Variants in NELL2 observed in about 807,000 individuals in gnomAD.
NELL2 encodes the protein protein kinase C-binding protein NELL2.
NELL2 carries 41 observed loss-of-function variants against 109.6 expected under a neutral mutation model. That is an observed-to-expected ratio of 0.37 (90% confidence interval 0.29 to 0.49). NELL2 has a LOEUF of 0.49. Among genes scored for constraint, NELL2 ranks in the 20% least tolerant of loss-of-function variants. NELL2 has a pLI of 0.98. For synonymous variants in NELL2, 355 were observed against 344.7 expected (o/e 1.03, Z -0.33); for missense variants, 900 against 1,008.3 (o/e 0.89, Z 1.45).
intron 15 of NELL2, among the ~76,000 whole-genome samples, chr12:44,584,430 C>T (rs1025341895): frequency 1.3e-5 from 2 of 152,228 alleles, no homozygotes; most frequent in Non-Finnish European, 2.9e-5. Flanking sequence ...TGTTACGACA[C>T]TCTTTGTGCC....
At chr12:44,855,017 C>A (rs1247272353) in intron 2 of NELL2, among the ~76,000 whole-genome samples, 4 of 152,222 alleles carry the variant, frequency 2.6e-5, no homozygotes, top group Non-Finnish European at 4.4e-5. Flanking sequence ...TAATATATTT[C>A]TTTAACCCAC....
chr12:44,875,619 G>C (rs1301212705), intron 1 of NELL2, 196 bp downstream of exon 1: 5 of 1,610,474 alleles, frequency 3.1e-6, no homozygotes, highest in East Asian at 4.5e-5. Context: ...CCTGGACTAG[G>C]GGCGTGATCC....
intron 15 of NELL2, among the ~76,000 whole-genome samples, chr12:44,541,289 A>G (rs1405466337): frequency 6.6e-6 from 1 of 151,202 alleles, no homozygotes; most frequent in African/African-American, 2.4e-5. Context: ...AAATAGAGAT[A>G]ATTGACAGAA....
intron 9 of NELL2, among the ~76,000 whole-genome samples, chr12:44,741,661 G>T (rs189222963): frequency 1.3e-5 from 2 of 152,214 alleles, no homozygotes; most frequent in African/African-American, 4.8e-5. Context: ...ATTATATCCC[G>T]CATCTGGCTC....
At chr12:44,619,173 G>A (rs185949499) in intron 13 of NELL2, among the ~76,000 whole-genome samples, 7 of 152,258 alleles carry the variant, frequency 4.6e-5, no homozygotes, top group South Asian at 2.1e-4. Context: ...GGGTAAAGAC[G>A]GGGAAGAACA....
At chr12:44,531,616 A>G (rs1267348940) in intron 16 of NELL2, among the ~76,000 whole-genome samples, 2 of 152,236 alleles carry the variant, frequency 1.3e-5, no homozygotes, top group Non-Finnish European at 2.9e-5. Flanking sequence ...CTTGGCATCC[A>G]TCACCCAAGT....
chr12:44,760,796 C>A (rs1375582006), intron 9 of NELL2, among the ~76,000 whole-genome samples: 1 of 151,970 alleles, frequency 6.6e-6, no homozygotes, highest in Non-Finnish European at 1.5e-5. Flanking sequence ...CATTCAGAGG[C>A]TGGATAGTAA....
intron 2 of NELL2, among the ~76,000 whole-genome samples, chr12:44,831,633 G>A (rs1294790495): frequency 1.3e-5 from 2 of 152,150 alleles, no homozygotes; most frequent in African/African-American, 4.8e-5. Flanking sequence ...GTGAACAGGT[G>A]ATGTAAATCC....
chr12:44,900,894 C>T (rs748918107), intron 1 of NELL2, among the ~76,000 whole-genome samples: 5 of 151,982 alleles, frequency 3.3e-5, no homozygotes, highest in Non-Finnish European at 7.4e-5. Flanking sequence ...GAGGCTGAGG[C>T]AGGACAATTG....
intron 12 of NELL2, among the ~76,000 whole-genome samples, chr12:44,691,296 A>G (rs936892793): frequency 7.9e-5 from 12 of 152,050 alleles, no homozygotes; most frequent in African/African-American, 1.7e-4. Flanking sequence ...TTTCATTACT[A>G]TTACATCTGT....
chr12:44,587,878 G>A (rs35032394), intron 15 of NELL2, among the ~76,000 whole-genome samples: 2,459 of 152,200 alleles, frequency 0.016, 29 homozygotes, highest in Non-Finnish European at 0.022. Flanking sequence ...TCGGTTGGGC[G>A]CAGTGGCTCA....
At chr12:44,528,108 A>G (rs1726954258) in intron 16 of NELL2, among the ~76,000 whole-genome samples, 1 of 147,616 alleles carries the variant, frequency 6.8e-6, no homozygotes, top group African/African-American at 2.5e-5. Flanking sequence ...AAAAAAAAAA[A>G]AAAAAAAAAA....
At chr12:44,876,623 C>T (rs1253416820), upstream of NELL2, 1 of 1,550,946 alleles carries the variant, frequency 6.4e-7, no homozygotes. Flanking sequence ...ATTTCGGGCG[C>T]GTGTCTTGAA....
intron 1 of NELL2, among the ~76,000 whole-genome samples, chr12:44,888,328 T>C (rs1264053677): frequency 1.3e-5 from 2 of 151,296 alleles, no homozygotes; most frequent in African/African-American, 2.4e-5. Context: ...AGGTCTTTCG[T>C]GGTTCTAAAT....
chr12:44,596,505 A>T (rs999537645), intron 15 of NELL2, among the ~76,000 whole-genome samples: 1 of 152,170 alleles, frequency 6.6e-6, no homozygotes, highest in Non-Finnish European at 1.5e-5. Flanking sequence ...AGGTCATGAT[A>T]ATAGCTAACA....
At chr12:44,597,742 G>T (rs1373352093) in intron 15 of NELL2, among the ~76,000 whole-genome samples, 1 of 152,158 alleles carries the variant, frequency 6.6e-6, no homozygotes, top group East Asian at 1.9e-4. Flanking sequence ...ACTTTCCATG[G>T]AACTCATACT....
At chr12:44,655,358 T>C (rs190578457) in intron 13 of NELL2, among the ~76,000 whole-genome samples, 6 of 152,300 alleles carry the variant, frequency 3.9e-5, no homozygotes, top group African/African-American at 9.6e-5. Flanking sequence ...CTGACAAGCC[T>C]AAAAGCCACT....
At chr12:44,583,520 GAATA>G (rs1468221767) in intron 15 of NELL2, among the ~76,000 whole-genome samples, 2 of 151,918 alleles carry the variant, frequency 1.3e-5, no homozygotes, top group African/African-American at 2.4e-5. Context: ...ATAAACCAAT[GAATA>G]AATAAAAGAA....
At chr12:44,783,091 A>G (rs2136606992) in intron 3 of NELL2, among the ~76,000 whole-genome samples, 1 of 152,092 alleles carries the variant, frequency 6.6e-6, no homozygotes, top group South Asian at 2.1e-4. Flanking sequence ...CAATAACCAG[A>G]CAATCTCCAA....
Sources: allele counts gnomAD v4.1 joint callset (sites outside exome capture counted in the v4.1 genomes callset), GRCh38; gene constraint gnomAD v4.1.1; transcripts MANE v1.5; gene names NCBI Gene and HGNC (gene_info 2026-07-23, HGNC 2026-07-21).